Variants in DNAH11 observed in about 807,000 individuals in gnomAD.
DNAH11 encodes dynein axonemal heavy chain 11.
In DNAH11, 442 loss-of-function variants were observed where a neutral mutation model predicts 526.0. The ratio of observed to expected loss-of-function variants is 0.84; its 90% CI spans 0.78 to 0.91. The LOEUF is 0.91. DNAH11 is among the 40% of genes least tolerant of loss of function. DNAH11 has a pLI of 0.00. For missense variants in DNAH11, 6,989 were observed against 5,448.7 expected, an observed-to-expected ratio of 1.28 and a Z score of -8.90; for synonymous variants, 2,461 against 1,935.9, an observed-to-expected ratio of 1.27 and a Z score of -7.12.
chr7:21,799,803 C>G (rs1295593508), intron 61 of DNAH11, among the ~76,000 whole-genome samples: 7 of 152,172 alleles, frequency 4.6e-5, no homozygotes, highest in Non-Finnish European at 1.0e-4. Flanking sequence ...GGGTCATCGA[C>G]AAATATAGTC....
At chr7:21,622,941 T>C (rs1250022365) in intron 25 of DNAH11, among the ~76,000 whole-genome samples, 2 of 152,034 alleles carry the variant, frequency 1.3e-5, no homozygotes, top group Non-Finnish European at 2.9e-5. Flanking sequence ...CCAAAAGCAA[T>C]GGCAACAAAA....
intron 68 of DNAH11, among the ~76,000 whole-genome samples, chr7:21,860,934 T>C (rs1400062086): frequency 6.6e-6 from 1 of 152,076 alleles, no homozygotes; most frequent in African/African-American, 2.4e-5. Context: ...TCAGATCTCA[T>C]GAGAGTTATT....
In DNAH11 at chr7:21,576,139, G is replaced by A. The variant is rs1029276650; in HGVS notation, c.1593+4166G>A. 2.6e-5 allele frequency among the ~76,000 whole-genome samples: 4 copies of A among 151,948 alleles called. No individual in the cohort carries two copies. In the East Asian group the frequency reaches 7.7e-4, roughly 29 times the overall value. ...GCTGAGTATCCTACCTGCCAGCGAT[G>A]GAGATTGACTCTGAGGCTCCACCAT... On this transcript the variant is annotated intron_variant, in intron 8 of 81. Transcript: ENST00000409508.
At position 21,619,321 on chromosome 7, in the gene DNAH11, G is replaced by A. The variant is rs891445997; in HGVS notation, c.4377+99G>A. ...AGTCCTTTTGATGTCCTGGGAGCCT[G>A]GAGAGATGAGTCCCAGTTTGTTCCC... On this transcript the variant is annotated intron_variant, in intron 24 of 81. Coordinates refer to ENST00000409508, the MANE Select transcript of DNAH11 (RefSeq NM_001277115.2). 22 of 1,377,566 alleles carry A rather than the reference G, an allele frequency of 1.6e-5. No individual in the cohort carries two copies. The African/African-American group carries it at 2.9e-4, about 18-fold the overall frequency. The allele number at this position is 1,377,566 out of a possible 1,614,324, so 85.3% of individuals were successfully genotyped here.
Position 21,606,632 on chromosome 7 carries a change from T to C in DNAH11, c.3766-15T>C, listed in dbSNP as rs760102931. The C allele has an allele frequency of 1.5e-5, 23 of 1,536,290 alleles. No individual in the cohort carries two copies. In the African/African-American group the frequency reaches 3.3e-4, roughly 22 times the overall value. On this transcript the variant is annotated splice_polypyrimidine_tract_variant and intron_variant, in intron 19 of 81. Transcript: ENST00000409508. ...GAAATTCACTTTTTTTTTTTTTTTT[T>C]TTTGCAATGATCAGGCAAAGCAGGC... is the stretch of plus-strand genomic sequence containing the variant.
chr7:21,780,721 A>G (rs981105387), intron 57 of DNAH11, among the ~76,000 whole-genome samples: 6 of 152,200 alleles, frequency 3.9e-5, no homozygotes, highest in Non-Finnish European at 5.9e-5. Flanking sequence ...ACTATTTTTT[A>G]TGTTTAATCC....
intron 79 of DNAH11, among the ~76,000 whole-genome samples, chr7:21,899,037 C>T (rs991337195): frequency 1.3e-5 from 2 of 152,204 alleles, no homozygotes; most frequent in Admixed American, 6.5e-5. Context: ...TTTGTATAGT[C>T]ACCACATAGC....
At position 21,617,735 on chromosome 7, in the gene DNAH11, C is replaced by T; in HGVS notation, c.4212C>T (p.Ala1404=). 1 of 1,610,460 alleles carries T rather than the reference C, an allele frequency of 6.2e-7. No homozygotes were observed. ...CCATCACAGAGTTACAGAGCCCTGC[C>T]CTCAGGGACAGGCATTGGCACCAGC... ...LRAITELQSP[A]LRDRHWHQLM... is the part of the protein sequence containing the mutation. The change falls in exon 23 of 82, where the codon GCC becomes GCT. Residue 1404 remains alanine, a synonymous_variant. Transcript: ENST00000409508.
chr7:21,664,843 G>A (rs750785547), intron 30 of DNAH11, among the ~76,000 whole-genome samples: 1 of 152,032 alleles, frequency 6.6e-6, no homozygotes, highest in Non-Finnish European at 1.5e-5. Context: ...CAGTATCTCA[G>A]CTTTATGTTC....
chr7:21,762,389 C>T (rs929682174), intron 54 of DNAH11, among the ~76,000 whole-genome samples: 1 of 152,162 alleles, frequency 6.6e-6, no homozygotes, highest in African/African-American at 2.4e-5. Flanking sequence ...GGGATCTTGT[C>T]AAATAAAAGA....
intron 62 of DNAH11, among the ~76,000 whole-genome samples, chr7:21,802,730 A>T (rs896131716): frequency 5.9e-5 from 9 of 152,068 alleles, no homozygotes; most frequent in South Asian, 4.2e-4. Flanking sequence ...ATCACATGGT[A>T]TGTGATATCA....
At chr7:21,577,873 A>G (rs934925024) in intron 8 of DNAH11, among the ~76,000 whole-genome samples, 1 of 152,170 alleles carries the variant, frequency 6.6e-6, no homozygotes, top group Non-Finnish European at 1.5e-5. Flanking sequence ...AAGATAATAG[A>G]GATTTTGGAA....
At chr7:21,770,794 A>C (rs2127977295) in intron 55 of DNAH11, among the ~76,000 whole-genome samples, 1 of 152,252 alleles carries the variant, frequency 6.6e-6, no homozygotes, top group South Asian at 2.1e-4. Context: ...ATTTTTCAGA[A>C]CTGGAAATCT....
intron 34 of DNAH11, among the ~76,000 whole-genome samples, chr7:21,690,066 G>T (rs1255950353): frequency 6.6e-6 from 1 of 152,066 alleles, no homozygotes; most frequent in African/African-American, 2.4e-5. Flanking sequence ...AACATCTCTT[G>T]AGTATTTTCC....
At chr7:21,750,756 T>C (rs1042672146) in intron 54 of DNAH11, among the ~76,000 whole-genome samples, 2 of 152,152 alleles carry the variant, frequency 1.3e-5, no homozygotes, top group Non-Finnish European at 2.9e-5. Flanking sequence ...GGCCACGTGT[T>C]TAGCATGGAG....
intron 76 of DNAH11, among the ~76,000 whole-genome samples, chr7:21,885,187 AACAC>A (rs71525701): frequency 2.7e-5 from 4 of 147,812 alleles, no homozygotes; most frequent in East Asian, 1.9e-4. Context: ...AAAAAAAAAA[AACAC>A]ACACATTTAT....
chr7:21,741,268 C>T (rs1043311969), intron 48 of DNAH11, among the ~76,000 whole-genome samples: 2 of 152,230 alleles, frequency 1.3e-5, no homozygotes, highest in East Asian at 1.9e-4. Flanking sequence ...CATGTCTTTC[C>T]GTGGCTTGAT....
chr7:21,886,623 T>A (rs1412514589), intron 76 of DNAH11, among the ~76,000 whole-genome samples: 6 of 152,006 alleles, frequency 3.9e-5, no homozygotes, highest in African/African-American at 1.4e-4. Flanking sequence ...AGAGGCTGAT[T>A]TCTCCGAATG....
chr7:21,763,357 G>GAAGAAAT, intron 54 of DNAH11, among the ~76,000 whole-genome samples: 1 of 43,760 alleles, frequency 2.3e-5, no homozygotes, highest in Admixed American at 2.1e-4. Context: ...AAAAAAAAAA[G>GAAGAAAT]AAAAAAAAAA....
Sources: allele counts gnomAD v4.1 joint callset (sites outside exome capture counted in the v4.1 genomes callset), GRCh38; gene constraint gnomAD v4.1.1; transcripts MANE v1.5; gene names NCBI Gene and HGNC (gene_info 2026-07-23, HGNC 2026-07-21).